Variants in VPS13D observed in about 807,000 individuals in gnomAD.
VPS13D encodes vacuolar protein sorting 13 homolog D, also known as intermembrane lipid transfer protein VPS13D.
Under a neutral mutation model 461.9 loss-of-function variants are expected in VPS13D, and 187 were observed. The ratio of observed to expected loss-of-function variants is 0.40; its 90% CI spans 0.36 to 0.46. The LOEUF is 0.46. Ranked by LOEUF, VPS13D falls within the 20% of genes least tolerant of loss-of-function variation. VPS13D has a pLI of 0.60. For missense variants in VPS13D, 4,711 were observed against 5,364.9 expected (o/e 0.88, Z 3.81); for synonymous variants, 1,951 against 1,986.3 (o/e 0.98, Z 0.47).
At chr1:12,398,857 C>G (rs901367949) in intron 60 of VPS13D, among the ~76,000 whole-genome samples, 3 of 152,174 alleles carry the variant, frequency 2.0e-5, no homozygotes, top group African/African-American at 7.2e-5. Flanking sequence ...AGAGAAGCAT[C>G]GATAGCATAG....
At chr1:12,488,888 T>G (rs1244313448) in intron 67 of VPS13D, among the ~76,000 whole-genome samples, 1 of 152,334 alleles carries the variant, frequency 6.6e-6, no homozygotes, top group South Asian at 2.1e-4. Flanking sequence ...CTACACTCTC[T>G]GACTCAGAAT....
At chr1:12,230,712 C>T (rs1639937936) in intron 1 of VPS13D, among the ~76,000 whole-genome samples, 1 of 151,962 alleles carries the variant, frequency 6.6e-6, no homozygotes, top group Admixed American at 6.6e-5. Flanking sequence ...AGGGTCACGC[C>T]CTGGCCCAGC....
At chr1:12,329,463 T>G (rs577709386) in intron 36 of VPS13D, among the ~76,000 whole-genome samples, 3 of 152,066 alleles carry the variant, frequency 2.0e-5, no homozygotes, top group Non-Finnish European at 4.4e-5. Context: ...CCACCCACCT[T>G]GGCCTCTCAA....
At chr1:12,370,943 AT>A (rs1210318495) in intron 54 of VPS13D, among the ~76,000 whole-genome samples, 4 of 152,240 alleles carry the variant, frequency 2.6e-5, no homozygotes, top group Non-Finnish European at 4.4e-5. Context: ...CAGAATTAGA[AT>A]AATCTTGCTG....
At chr1:12,265,416 G>A (rs1424780697) in intron 13 of VPS13D, among the ~76,000 whole-genome samples, 1 of 152,182 alleles carries the variant, frequency 6.6e-6, no homozygotes, top group Non-Finnish European at 1.5e-5. Flanking sequence ...GGGATTGCAG[G>A]TGTGAGTTAC....
intron 23 of VPS13D, among the ~76,000 whole-genome samples, chr1:12,292,143 C>A (rs1226202707): frequency 6.6e-6 from 1 of 151,180 alleles, no homozygotes; most frequent in African/African-American, 2.4e-5. Flanking sequence ...CCTGTAATCC[C>A]AGCTAGTCGG....
chr1:12,284,847 T>C (rs556384114), intron 21 of VPS13D, among the ~76,000 whole-genome samples: 1 of 152,346 alleles, frequency 6.6e-6, no homozygotes, highest in East Asian at 1.9e-4. Context: ...TCTTGTTCAG[T>C]GTCTGGTGAA....
At chr1:12,362,933 C>T (rs2101615692) in intron 51 of VPS13D, 83 bp downstream of exon 51, 1 of 1,595,090 alleles carries the variant, frequency 6.3e-7, no homozygotes, top group South Asian at 1.1e-5. Context: ...ACTGTACGTT[C>T]TGTGATGCAA....
intron 67 of VPS13D, among the ~76,000 whole-genome samples, chr1:12,469,827 G>A (rs1402880150): frequency 1.3e-5 from 2 of 152,046 alleles, no homozygotes; most frequent in African/African-American, 4.8e-5. Context: ...TTTTAATTTC[G>A]GCAGGGTAGT....
At chr1:12,275,420 A>C (rs961305184) in intron 18 of VPS13D, among the ~76,000 whole-genome samples, 16 of 152,150 alleles carry the variant, frequency 1.1e-4, no homozygotes, top group African/African-American at 3.9e-4. Context: ...ACCTGAAATA[A>C]AAGAACATTC....
chr1:12,277,881 G>T lies in VPS13D; in HGVS notation c.4293G>T (p.Leu1431=), dbSNP rs766080739. 2 of 1,614,148 alleles carry T rather than the reference G, an allele frequency of 1.2e-6. No homozygotes were observed. The highest frequency in any genetic ancestry group is 1.7e-6 in the Non-Finnish European group (2 of 1,180,018). ...AGGTGGAAATCAAGGACATTAAACTGTATTCTTTGAATTGCACCCAGTTGG... is the reference window on the plus strand; with the variant it reads ...AGGTGGAAATCAAGGACATTAAACTTTATTCTTTGAATTGCACCCAGTTGG... ...RLQVEIKDIK[L]YSLNCTQLAG... Residue 1431 remains leucine (L), a synonymous_variant, in exon 19 of 70, where the codon CTG becomes CTT. Coordinates refer to ENST00000620676, the MANE Select transcript of VPS13D (RefSeq NM_015378.4).
At chr1:12,381,046 C>A (rs980128979) in intron 57 of VPS13D, among the ~76,000 whole-genome samples, 10 of 152,052 alleles carry the variant, frequency 6.6e-5, no homozygotes, top group African/African-American at 2.4e-4. Flanking sequence ...TCCTTAAAAT[C>A]TTTTTTTGGT....
chr1:12,242,616 G>C, intron 3 of VPS13D, 26 bp downstream of exon 3: 402 of 1,552,010 alleles, frequency 2.6e-4, no homozygotes, highest in Non-Finnish European at 3.2e-4. Flanking sequence ...GGAGGGGGAA[G>C]AAATTTGAGT....
intron 63 of VPS13D, among the ~76,000 whole-genome samples, chr1:12,411,303 G>A (rs1284207839): frequency 6.6e-6 from 1 of 152,170 alleles, no homozygotes; most frequent in African/African-American, 2.4e-5. Flanking sequence ...CTACATGTCA[G>A]CAATAATAAC....
At position 12,415,144 on chromosome 1, in the gene VPS13D, C is replaced by G. The variant is rs1487678982; in HGVS notation, c.12088C>G (p.Leu4030Val). ...ACGGTTTGAAGACGCTGTGATTAAT[C>G]TAGATCCATTCACTCGGGTACATCC... Reference protein sequence around the residue: ...LIRFEDAVINLDPFTRVHPYE... With the variant: ...LIRFEDAVINVDPFTRVHPYE... The change falls in exon 64 of 70, where the codon CTA (leucine) becomes GTA (valine). Residue 4030 changes from leucine to valine, a missense_variant. Leu to Val is a conservative substitution (Grantham distance 32). Coordinates refer to ENST00000620676, the MANE Select transcript of VPS13D (RefSeq NM_015378.4). 19 of 1,613,974 alleles carry G rather than the reference C, an allele frequency of 1.2e-5. No individual in the cohort carries two copies. The highest frequency in any genetic ancestry group is 1.4e-5 in the Non-Finnish European group (17 of 1,180,002).
At chr1:12,438,629 C>G (rs1319131345) in intron 65 of VPS13D, among the ~76,000 whole-genome samples, 1 of 152,124 alleles carries the variant, frequency 6.6e-6, no homozygotes, top group Non-Finnish European at 1.5e-5. Context: ...CCTTGCCGAC[C>G]ACATGAAACC....
chr1:12,318,287 C>T lies in VPS13D; in HGVS notation c.7364C>T (p.Ser2455Phe), dbSNP rs1234875663. The change falls in exon 31 of 70, where the codon TCC (serine) becomes TTC (phenylalanine). Residue 2455 changes from serine to phenylalanine, a missense_variant. Transcript: ENST00000620676. The stretch of plus-strand genomic sequence containing the variant: ...AGTGGAGTAGTTACCAAGCGGTCTT[C>T]CCTTCCTGTGTCCAATGAAAGGCAC... ...VKSGVVTKRS[S>F]LPVSNERHLE... 4 of 1,613,698 alleles carry T rather than the reference C, an allele frequency of 2.5e-6. No individual in the cohort carries two copies. In the East Asian group the frequency reaches 8.9e-5, roughly 36 times the overall value.
In VPS13D at chr1:12,323,745, T is replaced by C. The variant is rs148814429; in HGVS notation, c.7955T>C (p.Met2652Thr). The change falls in exon 35 of 70, where the codon ATG becomes ACG. Residue 2652 changes from methionine (M) to threonine (T), a missense_variant. Physicochemically the swap from Met to Thr is moderately conservative, Grantham distance 81. This residue lies in a region of VPS13D where 4,411 missense variants were observed against 4,937.8 expected (regional missense o/e 0.89). Coordinates refer to ENST00000620676, the MANE Select transcript of VPS13D (RefSeq NM_015378.4). ...AGGCTGCAGGAGCTGGGATTCAGCA[T>C]GGATGATTGTCGCAAAGCTCTTTTG... is the stretch of plus-strand genomic sequence containing the variant. ...LARLQELGFS[M>T]DDCRKALLAC... 8.9e-5 allele frequency: 144 copies of C among 1,614,020 alleles called. No homozygotes were observed. Among genetic ancestry groups the C allele is most frequent in the Non-Finnish European group, 2.5e-5 (29 of 1,179,990 alleles).
chr1:12,463,783 C>T (rs1192469896), intron 67 of VPS13D, among the ~76,000 whole-genome samples: 1 of 152,152 alleles, frequency 6.6e-6, no homozygotes, highest in Non-Finnish European at 1.5e-5. Flanking sequence ...ATCTGGAAAA[C>T]AACAGGCCAG....
Sources: allele counts gnomAD v4.1 joint callset (sites outside exome capture counted in the v4.1 genomes callset), GRCh38; gene constraint gnomAD v4.1.1; regional missense constraint gnomAD v4.1.1; transcripts MANE v1.5; gene names NCBI Gene and HGNC (gene_info 2026-07-23, HGNC 2026-07-21).